FAM234A: variants seen among roughly 807,000 people sequenced by gnomAD.
FAM234A encodes family with sequence similarity 234 member A.
In FAM234A, 42 loss-of-function variants were observed where a neutral mutation model predicts 49.1. The observed-to-expected ratio is 0.86, with a 90% CI of 0.67 to 1.11. The LOEUF (loss-of-function observed/expected upper bound fraction) is 1.11. FAM234A is among the 50% of genes least tolerant of loss of function. The pLI, the probability that FAM234A is intolerant of heterozygous loss-of-function variation, is 0.00. For missense variants in FAM234A, 815 were observed against 745.2 expected, an observed-to-expected ratio of 1.09 and a Z score of -1.09; for synonymous variants, 369 against 316.2, an observed-to-expected ratio of 1.17 and a Z score of -1.77.
downstream of FAM234A, chr16:269,127 A>G (rs1238886519): frequency 1.3e-5 from 12 of 899,518 alleles, no homozygotes; most frequent in Admixed American, 2.0e-5. Flanking sequence ...TGCACCCCAC[A>G]GAAGACTGGG....
intron 1 of FAM234A, among the ~76,000 whole-genome samples, chr16:245,436 C>T (rs1166283480): frequency 1.3e-5 from 2 of 152,090 alleles, no homozygotes; most frequent in African/African-American, 4.8e-5. Flanking sequence ...CCCTGGGCAC[C>T]GGCCACTGGC....
chr16:260,264 T>A, intron 5 of FAM234A, 104 bp downstream of exon 5: 5 of 1,083,066 alleles, frequency 4.6e-6, no homozygotes, highest in Middle Eastern at 2.9e-4. Flanking sequence ...AGCCCTGTGA[T>A]CTTGAGGGTG....
chr16:266,759 G>C (rs915887630), downstream of FAM234A, among the ~76,000 whole-genome samples: 1 of 148,934 alleles, frequency 6.7e-6, no homozygotes, highest in African/African-American at 2.4e-5. Flanking sequence ...AGCCCAGAAG[G>C]CCTTGGGTAT....
intron 1 of FAM234A, among the ~76,000 whole-genome samples, chr16:247,723 G>A (rs889755435): frequency 3.3e-5 from 5 of 152,060 alleles, no homozygotes; most frequent in South Asian, 2.1e-4. Flanking sequence ...GTGAGCCACC[G>A]CGCCTGGCCT....
downstream of FAM234A, among the ~76,000 whole-genome samples, chr16:267,419 C>A (rs1176965982): frequency 6.6e-6 from 1 of 152,128 alleles, no homozygotes; most frequent in Non-Finnish European, 1.5e-5. Flanking sequence ...CCCTCCCTCA[C>A]CACACACTGC....
At chr16:250,077 G>T (rs9939662) in intron 2 of FAM234A, among the ~76,000 whole-genome samples, 1 of 152,074 alleles carries the variant, frequency 6.6e-6, no homozygotes, top group African/African-American at 2.4e-5. Flanking sequence ...TCCTATAGGC[G>T]CATGCCGCCA....
intron 1 of FAM234A, among the ~76,000 whole-genome samples, chr16:245,153 C>T (rs936426936): frequency 6.6e-6 from 1 of 151,938 alleles, no homozygotes; most frequent in Non-Finnish European, 1.5e-5. Flanking sequence ...TTGAGACCAG[C>T]CTGGGCAACG....
chr16:251,679 GTTT>G (rs1172222528), intron 2 of FAM234A, among the ~76,000 whole-genome samples: 8 of 91,146 alleles, frequency 8.8e-5, no homozygotes, highest in African/African-American at 3.7e-4. Context: ...GCCTAGCCAG[GTTT>G]TTTTTTTTTT....
At chr16:243,691 C>T (rs1183543296) in intron 1 of FAM234A, among the ~76,000 whole-genome samples, 1 of 152,194 alleles carries the variant, frequency 6.6e-6, no homozygotes, top group African/African-American at 2.4e-5. Context: ...CCTGGAGATC[C>T]TGTGAAGGAA....
At chr16:239,968 G>C (rs1217455355) in intron 1 of FAM234A, among the ~76,000 whole-genome samples, 2 of 152,150 alleles carry the variant, frequency 1.3e-5, no homozygotes, top group African/African-American at 4.8e-5. Flanking sequence ...GATTATTCTT[G>C]GTGGAGAGAG....
chr16:262,332 C>T, intron 7 of FAM234A, 92 bp from the exon 8 acceptor site: 1 of 1,564,806 alleles, frequency 6.4e-7, no homozygotes, highest in Non-Finnish European at 8.7e-7. Context: ...GTCAGGAAGC[C>T]CAGGGGCCTG....
At chr16:243,889 G>A (rs1310846980) in intron 1 of FAM234A, among the ~76,000 whole-genome samples, 1 of 152,132 alleles carries the variant, frequency 6.6e-6, no homozygotes, top group Non-Finnish European at 1.5e-5. Flanking sequence ...TTAAACTCTG[G>A]CATTTGCTCA....
At chr16:259,455 G>C (rs777959989) in intron 3 of FAM234A, 28 bp from the exon 4 acceptor site, 3 of 1,294,102 alleles carry the variant, frequency 2.3e-6, no homozygotes, top group Non-Finnish European at 3.4e-6. Flanking sequence ...ATGGCCCGCG[G>C]AGTATAGTCT....
downstream of FAM234A, among the ~76,000 whole-genome samples, chr16:266,975 G>A (rs1488058845): frequency 6.6e-6 from 1 of 152,092 alleles, no homozygotes; most frequent in Non-Finnish European, 1.5e-5. Flanking sequence ...TGGAGGGGTG[G>A]GCAGGGCCAT....
chr16:235,592 G>A (rs1799372348), intron 1 of FAM234A, among the ~76,000 whole-genome samples: 1 of 152,226 alleles, frequency 6.6e-6, no homozygotes, highest in African/African-American at 2.4e-5. Flanking sequence ...TGTGATTCCA[G>A]CTGAGGAGGC....
intron 7 of FAM234A, 86 bp downstream of exon 7, chr16:262,311 G>A (rs1162002931): frequency 5.1e-6 from 8 of 1,572,882 alleles, no homozygotes; most frequent in Non-Finnish European, 6.9e-6. Context: ...TTCTGCTCTC[G>A]AGGTGCTGGA....
At chr16:264,536 GCACGGTCA>G in intron 11 of FAM234A, 70 bp from the exon 12 acceptor site, 1 of 992,158 alleles carries the variant, frequency 1.0e-6, no homozygotes, top group Non-Finnish European at 1.5e-6. Context: ...AGAGCTCCAG[GCACGGTCA>G]CTCTGACAGC....
downstream of FAM234A, chr16:269,313 G>C (rs1198479597): frequency 3.8e-6 from 6 of 1,595,776 alleles, no homozygotes; most frequent in Admixed American, 5.3e-5. Flanking sequence ...GCCGCTGTGG[G>C]CTCCACAGGG....
chr16:251,648 A>C, intron 2 of FAM234A, among the ~76,000 whole-genome samples: 1 of 134,296 alleles, frequency 7.4e-6, no homozygotes. Flanking sequence ...GAGTGCTGCG[A>C]TTACAGGCAT....
Sources: gnomAD v4.1 joint callset for allele counts (sites outside exome capture counted in the v4.1 genomes callset) on GRCh38, gnomAD v4.1.1 for gene constraint, MANE v1.5 for transcripts, NCBI Gene and HGNC (gene_info 2026-07-23, HGNC 2026-07-21) for gene names.